The following GRM3 variants were observed in gnomAD, a reference collection of about 807,000 sequenced individuals.
GRM3 encodes metabotropic glutamate receptor 3.
GRM3 carries 26 observed loss-of-function variants against 70.5 expected under a neutral mutation model. The ratio of observed to expected loss-of-function variants is 0.37; its 90% confidence interval spans 0.27 to 0.51. The LOEUF (loss-of-function observed/expected upper bound fraction) is 0.51, where lower values mean the gene tolerates loss of function less well. GRM3 is among the 20% of genes least tolerant of loss of function. The probability of loss-of-function intolerance (pLI) is 0.93; values close to 1 mark genes in which losing one functional copy is unlikely to be tolerated. For synonymous variants in GRM3, 443 were observed against 434.9 expected (o/e 1.02, Z -0.23); for missense variants, 859 against 1,123.8 (o/e 0.76, Z 3.37).
chr7:86,686,795 A>C (rs1794579385), intron 1 of GRM3, among the ~76,000 whole-genome samples: 1 of 152,092 alleles, frequency 6.6e-6, no homozygotes, highest in African/African-American at 2.4e-5. Flanking sequence ...CAAAAAATAG[A>C]AACAGACACC....
chr7:86,780,413 T>C (rs2116502638), intron 2 of GRM3, among the ~76,000 whole-genome samples: 1 of 152,330 alleles, frequency 6.6e-6, no homozygotes, highest in South Asian at 2.1e-4. Context: ...AGTCCAGCAT[T>C]TCTTCTTGAG....
At chr7:86,857,241 G>T (rs1211691452) in intron 5 of GRM3, among the ~76,000 whole-genome samples, 1 of 151,846 alleles carries the variant, frequency 6.6e-6, no homozygotes. Flanking sequence ...AATGTTCATG[G>T]AGTCCCATAA....
intron 1 of GRM3, among the ~76,000 whole-genome samples, chr7:86,720,696 A>G (rs757182100): frequency 5.2e-4 from 79 of 152,076 alleles, no homozygotes; most frequent in Admixed American, 1.2e-3. Context: ...CATCAAGGTA[A>G]ATCAAATATG....
rs752620639 is a variant in GRM3, at chr7:86,840,873, A to G, written c.2391+968A>G. Among the ~76,000 whole-genome samples, 70 of 152,120 alleles carry G rather than the reference A, an allele frequency of 4.6e-4. 2 individuals carry two copies. The highest frequency in any genetic ancestry group is 2.1e-4 in the Non-Finnish European group (14 of 67,976). On this transcript the variant is annotated intron_variant, in intron 4 of 5. Coordinates refer to ENST00000361669, the MANE Select transcript of GRM3 (RefSeq NM_000840.3). ...TCTGCTGTTTACCAGCAATTCCTAC[A>G]TCGCCAAAATCTAGAAAATTGCAGC...
intron 1 of GRM3, among the ~76,000 whole-genome samples, chr7:86,668,345 C>T (rs1794084447): frequency 6.6e-6 from 1 of 151,822 alleles, no homozygotes; most frequent in Non-Finnish European, 1.5e-5. Flanking sequence ...TGAAAATGTA[C>T]ATACATTCAC....
At chr7:86,704,902 G>A (rs1795023773) in intron 1 of GRM3, among the ~76,000 whole-genome samples, 1 of 151,714 alleles carries the variant, frequency 6.6e-6, no homozygotes, top group South Asian at 2.1e-4. Flanking sequence ...CTTCAAGTGT[G>A]CAAAAATCTC....
intron 2 of GRM3, among the ~76,000 whole-genome samples, chr7:86,769,246 A>G (rs773432685): frequency 2.6e-5 from 4 of 152,128 alleles, no homozygotes; most frequent in Non-Finnish European, 5.9e-5. Context: ...CTGCATATGT[A>G]CTGGAAATTG....
intron 1 of GRM3, among the ~76,000 whole-genome samples, chr7:86,690,771 A>G (rs945645073): frequency 1.3e-5 from 2 of 152,114 alleles, no homozygotes; most frequent in Non-Finnish European, 2.9e-5. Context: ...TTGGAGAAAA[A>G]TGTTAAATTT....
chr7:86,656,739 T>A (rs1290804046), intron 1 of GRM3, among the ~76,000 whole-genome samples: 1 of 152,132 alleles, frequency 6.6e-6, no homozygotes, highest in African/African-American at 2.4e-5. Flanking sequence ...TCATTGAATG[T>A]ATGAGTGTAA....
intron 3 of GRM3, among the ~76,000 whole-genome samples, chr7:86,788,012 T>A (rs1379920322): frequency 1.3e-5 from 2 of 152,200 alleles, no homozygotes; most frequent in Non-Finnish European, 2.9e-5. Context: ...TAATCCCAAA[T>A]CATAAAATAT....
chr7:86,789,323 T>G (rs1797348978), intron 3 of GRM3, among the ~76,000 whole-genome samples: 2 of 152,170 alleles, frequency 1.3e-5, no homozygotes, highest in African/African-American at 4.8e-5. Flanking sequence ...GATACCAAAA[T>G]GCTAAGTTAG....
At chr7:86,704,358 C>A (rs1016605491) in intron 1 of GRM3, among the ~76,000 whole-genome samples, 2 of 151,956 alleles carry the variant, frequency 1.3e-5, no homozygotes, top group Middle Eastern at 3.4e-3. Flanking sequence ...ATAGCAACAC[C>A]AATATTTTTC....
In GRM3 at chr7:86,786,767, G is replaced by T. The variant is rs776739496; in HGVS notation, c.975G>T (p.Leu325=). The change falls in exon 3 of 6, where the codon CTG becomes CTT. Residue 325 remains leucine, a synonymous_variant. Coordinates refer to ENST00000361669, the MANE Select transcript of GRM3 (RefSeq NM_000840.3). This position sits in a 1 kb window ranked among gnomAD's most constrained non-coding sequence, Gnocchi z 6.0. ...CCTACGGCGCCATCACCCTGGAGCT[G>T]GCCTCCCAGCCTGTCCGCCAGTTCG... ...HVAYGAITLE[L]ASQPVRQFDR... 6.2e-7 allele frequency: 1 copy of T among 1,613,968 alleles called. No homozygotes were observed. Among genetic ancestry groups the T allele is most frequent in the South Asian group, 1.1e-5 (1 of 91,078 alleles).
chr7:86,839,194 T>C lies in GRM3; in HGVS notation c.1680T>C (p.Thr560=). The part of the protein sequence containing the change: ...GSGQWPTADL[T]GCYDLPEDYI... ...GACAGTGGCCCACTGCAGACCTAACTGGATGCTATGACCTTCCTGAGGACT... is the reference window on the plus strand; with the variant it reads ...GACAGTGGCCCACTGCAGACCTAACCGGATGCTATGACCTTCCTGAGGACT... Residue 560 remains threonine (T), a synonymous_variant, in exon 4 of 6, where the codon ACT becomes ACC. Coordinates refer to ENST00000361669, the MANE Select transcript of GRM3 (RefSeq NM_000840.3). The surrounding 1 kb of genome is among the most constrained non-coding windows in gnomAD (Gnocchi z 4.5). 1.2e-6 allele frequency: 2 copies of C among 1,613,674 alleles called. No individual in the cohort carries two copies. The highest frequency in any genetic ancestry group is 2.2e-5 in the South Asian group (2 of 91,078).
intron 1 of GRM3, among the ~76,000 whole-genome samples, chr7:86,709,119 G>A (rs575027640): frequency 2.6e-5 from 4 of 152,082 alleles, no homozygotes; most frequent in African/African-American, 9.6e-5. Context: ...CCTTGTTTGA[G>A]TGCATTTAAG....
At chr7:86,853,891 C>T (rs1798799116) in intron 5 of GRM3, among the ~76,000 whole-genome samples, 1 of 152,138 alleles carries the variant, frequency 6.6e-6, no homozygotes. Flanking sequence ...CTGAGCTGAT[C>T]TGGAAGATCC....
chr7:86,800,764 A>G (rs190387317), intron 3 of GRM3, among the ~76,000 whole-genome samples: 1 of 152,322 alleles, frequency 6.6e-6, no homozygotes, highest in African/African-American at 2.4e-5. Flanking sequence ...GTTGAAAAGG[A>G]AGGACTTCAC....
chr7:86,839,784 A>G lies in GRM3; in HGVS notation c.2270A>G (p.Lys757Arg), dbSNP rs762499638. The G allele has an allele frequency of 6.2e-7, 1 of 1,614,054 alleles. No homozygotes were observed. Among genetic ancestry groups the G allele is most frequent in the Non-Finnish European group, 8.5e-7 (1 of 1,179,922 alleles). Reference protein sequence around the residue: ...LVILCTVYAFKTRKCPENFNE... With the variant: ...LVILCTVYAFRTRKCPENFNE... ...ATCTTATGCACTGTGTACGCCTTCA[A>G]AACGCGGAAGTGCCCAGAAAATTTC... The change falls in exon 4 of 6, where the codon AAA (lysine) becomes AGA (arginine). Residue 757 changes from lysine (K) to arginine (R), a missense_variant. Transcript: ENST00000361669. The surrounding 1 kb of genome is among the most constrained non-coding windows in gnomAD (Gnocchi z 4.5).
intron 1 of GRM3, among the ~76,000 whole-genome samples, chr7:86,668,961 A>C (rs757096615): frequency 2.6e-5 from 4 of 152,076 alleles, no homozygotes; most frequent in Non-Finnish European, 4.4e-5. Context: ...GTGGGTGAAA[A>C]GCCTGGATTA....
Sources: allele counts gnomAD v4.1 joint callset (sites outside exome capture counted in the v4.1 genomes callset), GRCh38; gene constraint gnomAD v4.1.1; non-coding constraint Gnocchi (gnomAD v3.1); transcripts MANE v1.5; gene names NCBI Gene and HGNC (gene_info 2026-07-23, HGNC 2026-07-21).